Variants in PHACTR2 observed in about 807,000 individuals in gnomAD.
PHACTR2 encodes chromosome 6 open reading frame 56.
In PHACTR2, 30 loss-of-function variants were observed where a neutral mutation model predicts 76.0. That is an observed-to-expected ratio of 0.39 (90% CI 0.30 to 0.54). PHACTR2 has a LOEUF of 0.54. Ranked by LOEUF, PHACTR2 falls within the 20% of genes least tolerant of loss-of-function variation. The pLI, the probability that PHACTR2 is intolerant of heterozygous loss-of-function variation, is 0.61. For synonymous variants in PHACTR2, 292 were observed against 292.5 expected (o/e 1.00, Z 0.02); for missense variants, 696 against 781.1 (o/e 0.89, Z 1.30).
chr6:143,604,662 A>T (rs953158147), upstream of PHACTR2, among the ~76,000 whole-genome samples: 1 of 152,084 alleles, frequency 6.6e-6, no homozygotes, highest in Admixed American at 6.6e-5. Context: ...CGGGTGGATC[A>T]CCTGCGGTCA....
chr6:143,632,937 G>T (rs149081482), intron 1 of PHACTR2, among the ~76,000 whole-genome samples: 1 of 152,244 alleles, frequency 6.6e-6, no homozygotes, highest in East Asian at 1.9e-4. Flanking sequence ...CGTCTTGATA[G>T]CTCATTTCTT....
At chr6:143,721,603 A>G (rs1376996534) in intron 2 of PHACTR2, among the ~76,000 whole-genome samples, 1 of 151,656 alleles carries the variant, frequency 6.6e-6, no homozygotes, top group Non-Finnish European at 1.5e-5. Context: ...TTGGCCTGAA[A>G]CAAATTATCT....
At chr6:143,768,054 T>A (rs1394129091) in intron 6 of PHACTR2, among the ~76,000 whole-genome samples, 1 of 152,172 alleles carries the variant, frequency 6.6e-6, no homozygotes, top group Non-Finnish European at 1.5e-5. Context: ...GCCAAGCTGG[T>A]CTTGAACTCT....
Position 143,663,046 on chromosome 6 carries a change from CT to C in PHACTR2, c.14-48963del, listed in dbSNP as rs1472512072. Among the ~76,000 whole-genome samples, 6 of 152,112 alleles carry C rather than the reference CT, an allele frequency of 3.9e-5. No individual in the cohort carries two copies. Among genetic ancestry groups the C allele is most frequent in the African/African-American group, 9.7e-5 (4 of 41,434 alleles). On this transcript the variant is annotated intron_variant, in intron 1 of 11. Transcript: ENST00000305766. This position sits in a 1 kb window ranked among gnomAD's most constrained non-coding sequence, Gnocchi z 4.1. ...TTGCTGCAAAGGACATTATTTCATT[CT>C]TTTTTTATGGCTGTATAATATTCCC...
In PHACTR2 at chr6:143,617,409, T is replaced by G. The variant is rs1180572248; in HGVS notation, c.13+9087T>G. On this transcript the variant is annotated intron_variant, in intron 1 of 11. Transcript: ENST00000305766. The surrounding 1 kb of genome is among the most constrained non-coding windows in gnomAD (Gnocchi z 4.8). ...TTTTATGTCTTCCAAAGAGTTAGAG[T>G]GGTCATTCTCAACTCTAGCTACTCA... 1.3e-5 allele frequency among the ~76,000 whole-genome samples: 2 copies of G among 151,996 alleles called. No individual in the cohort carries two copies. The highest frequency in any genetic ancestry group is 2.9e-5 in the Non-Finnish European group (2 of 67,978).
rs745700169 is a variant in PHACTR2 at position 143,739,840 on chromosome 6, C to G, written c.215-9145C>G. ...GTTTGCGCAGGTCTAAGACAATCAC[C>G]TCTTCCCTCCTCCCACCTCGGTCTT... On this transcript the variant is annotated intron_variant, in intron 2 of 12. Transcript: ENST00000440869. This position sits in a 1 kb window ranked among gnomAD's most constrained non-coding sequence, Gnocchi z 4.3. Among the ~76,000 whole-genome samples, 1 of 152,134 alleles carries G rather than the reference C, an allele frequency of 6.6e-6. No individual in the cohort carries two copies. The highest frequency in any genetic ancestry group is 1.5e-5 in the Non-Finnish European group (1 of 68,032).
At chr6:143,650,998 A>C (rs894127531) in intron 1 of PHACTR2, among the ~76,000 whole-genome samples, 11 of 152,166 alleles carry the variant, frequency 7.2e-5, no homozygotes, top group South Asian at 4.1e-4. Flanking sequence ...ACCAAAAAAA[A>C]CAAACAACCC....
At chr6:143,614,987 A>G (rs190123075) in intron 1 of PHACTR2, among the ~76,000 whole-genome samples, 7 of 152,348 alleles carry the variant, frequency 4.6e-5, no homozygotes, top group Admixed American at 1.3e-4. Flanking sequence ...TACCAAGAAC[A>G]TATATAACAA....
chr6:143,766,091 C>T (rs928302926), intron 6 of PHACTR2, among the ~76,000 whole-genome samples: 9 of 152,218 alleles, frequency 5.9e-5, no homozygotes, highest in Admixed American at 1.3e-4. Flanking sequence ...CCTTCTCTTT[C>T]CTTTCAGTGC....
intron 1 of PHACTR2, among the ~76,000 whole-genome samples, chr6:143,707,866 C>T (rs1365039365): frequency 6.6e-6 from 1 of 152,062 alleles, no homozygotes; most frequent in Non-Finnish European, 1.5e-5. Flanking sequence ...AATCATGGCA[C>T]GTGAGTGAAG....
rs187010025 is a variant in PHACTR2, at chr6:143,599,505, G to A, written c.217+62298G>A. Reference sequence around the variant, plus strand: ...AGGAAGACCTTGACAAGATTTCTACGTCTTTCATGGAAGCAATCAATACAT... The same window carrying A: ...AGGAAGACCTTGACAAGATTTCTACATCTTTCATGGAAGCAATCAATACAT... On this transcript the variant is annotated intron_variant, in intron 1 of 11. Coordinates refer to the PHACTR2 transcript ENST00000367584. The surrounding 1 kb of genome is among the most constrained non-coding windows in gnomAD (Gnocchi z 4.6). Among the ~76,000 whole-genome samples, 18 of 152,264 alleles carry A rather than the reference G, an allele frequency of 1.2e-4. No individual in the cohort carries two copies. The highest frequency in any genetic ancestry group is 7.8e-4 in the Admixed American group (12 of 15,290).
chr6:143,604,172 G>C (rs971530914), upstream of PHACTR2, among the ~76,000 whole-genome samples: 1 of 151,848 alleles, frequency 6.6e-6, no homozygotes, highest in South Asian at 2.1e-4. Flanking sequence ...TAGGGAGCAA[G>C]CTTTCTCATT....
intron 1 of PHACTR2, among the ~76,000 whole-genome samples, chr6:143,615,107 A>T (rs1304032314): frequency 6.6e-6 from 1 of 152,220 alleles, no homozygotes; most frequent in African/African-American, 2.4e-5. Flanking sequence ...CACATGTTAC[A>T]TCATTAATAC....
In PHACTR2 at chr6:143,753,261, T is replaced by C. The variant is rs1779225138; in HGVS notation, c.296-493T>C. Among the ~76,000 whole-genome samples the C allele has an allele frequency of 6.6e-6, 1 of 152,198 alleles. No individual in the cohort carries two copies. The highest frequency in any genetic ancestry group is 1.5e-5 in the Non-Finnish European group (1 of 68,034). On this transcript the variant is annotated intron_variant, in intron 3 of 12. Coordinates refer to ENST00000440869, the MANE Select transcript of PHACTR2 (RefSeq NM_001100164.2). This position sits in a 1 kb window ranked among gnomAD's most constrained non-coding sequence, Gnocchi z 4.6. Reference sequence around the variant, plus strand: ...AAGTTAGCACATCATATACTTAATATATTCTGGAACCAGTAGTACTTGGAA... The same window carrying C: ...AAGTTAGCACATCATATACTTAATACATTCTGGAACCAGTAGTACTTGGAA...
intron 1 of PHACTR2, among the ~76,000 whole-genome samples, chr6:143,615,422 A>T (rs1246800809): frequency 6.6e-6 from 1 of 152,212 alleles, no homozygotes; most frequent in Non-Finnish European, 1.5e-5. Context: ...CAATTTTTTT[A>T]AAAAGCAAAT....
rs993596620 is a variant in PHACTR2 at position 143,801,576 on chromosome 6, G to A, written c.1846-5481G>A. 1.3e-5 allele frequency among the ~76,000 whole-genome samples: 2 copies of A among 152,046 alleles called. No individual in the cohort carries two copies. Among genetic ancestry groups the A allele is most frequent in the Admixed American group, 6.6e-5 (1 of 15,252 alleles). ...GTTATTTAAGCTCTTCTCTACACTG[G>A]TTATTCTAGTTAGCCATTCATCTAA... On this transcript the variant is annotated intron_variant, in intron 11 of 12. Coordinates refer to ENST00000440869, the MANE Select transcript of PHACTR2 (RefSeq NM_001100164.2). The surrounding 1 kb of genome is among the most constrained non-coding windows in gnomAD (Gnocchi z 4.6).
In PHACTR2 at chr6:143,753,747, A is replaced by T; in HGVS notation, c.296-7A>T. 1.9e-6 allele frequency: 3 copies of T among 1,579,424 alleles called. No homozygotes were observed. Among genetic ancestry groups the T allele is most frequent in the Non-Finnish European group, 2.6e-6 (3 of 1,167,494 alleles). Reference sequence around the variant, plus strand: ...TTAGACATCTAGGTGTTTCTTTCCCATTTTAGATGGAGATGTAACAGTTAA... The same window carrying T: ...TTAGACATCTAGGTGTTTCTTTCCCTTTTTAGATGGAGATGTAACAGTTAA... On this transcript the variant is annotated splice_region_variant and splice_polypyrimidine_tract_variant and intron_variant, in intron 3 of 12. Transcript: ENST00000440869. The surrounding 1 kb of genome is among the most constrained non-coding windows in gnomAD (Gnocchi z 4.6).
At chr6:143,673,504 T>C (rs1777191631), upstream of PHACTR2, among the ~76,000 whole-genome samples, 1 of 152,172 alleles carries the variant, frequency 6.6e-6, no homozygotes, top group African/African-American at 2.4e-5. Flanking sequence ...GAAGCAATTA[T>C]TTTGTGTAAA....
intron 1 of PHACTR2, among the ~76,000 whole-genome samples, chr6:143,657,842 G>T (rs752826818): frequency 3.3e-5 from 5 of 152,160 alleles, no homozygotes; most frequent in African/African-American, 1.2e-4. Flanking sequence ...GGTATCTCGG[G>T]CAAGCCTGCA....
Sources: allele counts gnomAD v4.1 joint callset (sites outside exome capture counted in the v4.1 genomes callset), GRCh38; gene constraint gnomAD v4.1.1; non-coding constraint Gnocchi (gnomAD v3.1); transcripts MANE v1.5; gene names NCBI Gene and HGNC (gene_info 2026-07-23, HGNC 2026-07-21).